GDAP1L1: variants seen among roughly 807,000 people sequenced by gnomAD.
GDAP1L1 encodes the protein ganglioside induced differentiation associated protein 1 like 1.
GDAP1L1 carries 21 observed loss-of-function variants against 37.1 expected under a neutral mutation model. The observed-to-expected ratio is 0.57, with a 90% confidence interval of 0.40 to 0.81. The LOEUF is 0.81. GDAP1L1 is among the 40% of genes least tolerant of loss of function. The pLI, the probability that GDAP1L1 is intolerant of heterozygous loss-of-function variation, is 0.00. For synonymous variants in GDAP1L1, 193 were observed against 209.1 expected (o/e 0.92, Z 0.67); for missense variants, 362 against 491.6 (o/e 0.74, Z 2.49).
intron 5 of GDAP1L1, 42 bp from the exon 6 acceptor site, chr20:44,278,915 A>G (rs748078248): frequency 7.7e-7 from 1 of 1,298,820 alleles, no homozygotes; most frequent in South Asian, 1.3e-5. Context: ...TGTGTGTGTT[A>G]GGGGAGGCTG....
chr20:44,262,291 A>G (rs2073687036), intron 3 of GDAP1L1, among the ~76,000 whole-genome samples: 1 of 152,042 alleles, frequency 6.6e-6, no homozygotes, highest in Non-Finnish European at 1.5e-5. Flanking sequence ...AGTTAAATGG[A>G]GGAGGTTAAA....
At chr20:44,272,180 C>A (rs1347267396) in intron 5 of GDAP1L1, among the ~76,000 whole-genome samples, 1 of 152,106 alleles carries the variant, frequency 6.6e-6, no homozygotes, top group Non-Finnish European at 1.5e-5. Context: ...GGGAGGAGCA[C>A]CTAGAAAGGC....
At chr20:44,268,934 A>G (rs1038521062) in intron 5 of GDAP1L1, among the ~76,000 whole-genome samples, 1 of 152,210 alleles carries the variant, frequency 6.6e-6, no homozygotes, top group Non-Finnish European at 1.5e-5. Context: ...TTTCTGCTGT[A>G]TAACAAACCA....
intron 1 of GDAP1L1, among the ~76,000 whole-genome samples, chr20:44,251,002 G>A (rs1052165912): frequency 7.9e-5 from 12 of 152,058 alleles, no homozygotes; most frequent in Non-Finnish European, 1.6e-4. Flanking sequence ...CCTACCTCTC[G>A]GTGCCCGTTG....
At position 44,263,338 on chromosome 20, in the gene GDAP1L1, CCCGG is replaced by C; in HGVS notation, c.645+14_645+17del. On this transcript the variant is annotated intron_variant, in intron 4 of 5. Coordinates refer to ENST00000342560, the MANE Select transcript of GDAP1L1 (RefSeq NM_024034.6). Reference sequence around the variant, plus strand: ...CAAAAGAAGCTCATGGTGAGTACCTCCCGGCCTGCTGAGTCCCCTTCCCTACGAG... The same window carrying C: ...CAAAAGAAGCTCATGGTGAGTACCTCCCTGCTGAGTCCCCTTCCCTACGAG... 1 of 1,585,888 alleles carries C rather than the reference CCCGG, an allele frequency of 6.3e-7. No individual in the cohort carries two copies. Among genetic ancestry groups the C allele is most frequent in the South Asian group, 1.1e-5 (1 of 90,500 alleles).
chr20:44,276,355 AAAGGAAGG>A (rs3037695), intron 5 of GDAP1L1, among the ~76,000 whole-genome samples: 46 of 130,334 alleles, frequency 3.5e-4, no homozygotes, highest in African/African-American at 8.9e-4. Flanking sequence ...AGAAAGAAGG[AAAGGAAGG>A]AAGGAAGGAA....
intron 5 of GDAP1L1, 49 bp downstream of exon 5, chr20:44,264,608 C>A (rs1234519263): frequency 6.3e-7 from 1 of 1,589,802 alleles, no homozygotes; most frequent in East Asian, 2.3e-5. Flanking sequence ...ACCCAGCCTA[C>A]TCTTCCCCTG....
At chr20:44,275,278 T>A (rs949729289) in intron 5 of GDAP1L1, among the ~76,000 whole-genome samples, 1 of 152,210 alleles carries the variant, frequency 6.6e-6, no homozygotes, top group Admixed American at 6.5e-5. Context: ...CCTGTGACTA[T>A]GAGCCTCTTG....
chr20:44,265,549 T>G (rs2073748821), intron 5 of GDAP1L1: 1 of 916,550 alleles, frequency 1.1e-6, no homozygotes, highest in African/African-American at 1.8e-5. Context: ...GAAATAGAGT[T>G]CCAGCTTTGC....
At chr20:44,266,906 C>A (rs2073769673) in intron 5 of GDAP1L1, among the ~76,000 whole-genome samples, 1 of 152,174 alleles carries the variant, frequency 6.6e-6, no homozygotes, top group Admixed American at 6.5e-5. Flanking sequence ...GAGTAACTGT[C>A]CTGGGCCACA....
chr20:44,256,024 A>G (rs1387344388), intron 1 of GDAP1L1, among the ~76,000 whole-genome samples: 1 of 152,188 alleles, frequency 6.6e-6, no homozygotes, highest in Non-Finnish European at 1.5e-5. Flanking sequence ...GCCCTTAGAA[A>G]CATAAAGAAA....
Position 44,279,536 on chromosome 20 carries a change from A to G in GDAP1L1, c.*236A>G. On this transcript the variant is annotated 3_prime_UTR_variant, in exon 6 of 6. Transcript: ENST00000342560. ...GAGAGAGGAAGCGAGAGAGAGAGAG[A>G]AAAAACAAAAAACAGAAAACACGAA... 1.5e-6 allele frequency: 1 copy of G among 677,514 alleles called. No individual in the cohort carries two copies. The highest frequency in any genetic ancestry group is 3.0e-5 in the East Asian group (1 of 33,776). The allele number at this position is 677,514 out of a possible 1,614,324, so 42.0% of individuals were successfully genotyped here. A position where few individuals can be genotyped will look rare whatever the true frequency, so the allele number is the denominator to read the frequency against.
intron 1 of GDAP1L1, among the ~76,000 whole-genome samples, chr20:44,255,187 C>A (rs765066155): frequency 6.6e-6 from 1 of 152,040 alleles, no homozygotes; most frequent in South Asian, 2.1e-4. Flanking sequence ...ATCCTCACAG[C>A]GGGCCTCCGA....
rs1350787119 is a variant in GDAP1L1, at chr20:44,257,355, C to T, written c.373+10C>T. 2.5e-6 allele frequency: 4 copies of T among 1,609,204 alleles called. No homozygotes were observed. Among genetic ancestry groups the T allele is most frequent in the Non-Finnish European group, 8.5e-7 (1 of 1,177,020 alleles). ...CGCACCTTCACAGGAGGTACGGCTG[C>T]CTCCCCACCCAGGGGCCCACTCCAT... On this transcript the variant is annotated intron_variant, in intron 2 of 5. Transcript: ENST00000342560.
In GDAP1L1 at chr20:44,264,466, G is replaced by T; in HGVS notation, c.667G>T (p.Asp223Tyr). The T allele has an allele frequency of 6.6e-7, 1 of 1,519,636 alleles. No homozygotes were observed. Among genetic ancestry groups the T allele is most frequent in the East Asian group, 2.3e-5 (1 of 42,948 alleles). 94.1% of individuals were successfully genotyped at this position (1,519,636 alleles called of 1,614,324 possible). The change falls in exon 5 of 6, where the codon GAT becomes TAT. Residue 223 changes from aspartate to tyrosine, a missense_variant. Asp to Tyr is a radical substitution (Grantham distance 160). Transcript: ENST00000342560. ...CCAGGCCAAGATCTTGGAGCATGAT[G>T]ATGTGAGCTACCTGAAGAAGATCCT... Reference protein sequence around the residue: ...KLMAKILEHDDVSYLKKILGE... With the variant: ...KLMAKILEHDYVSYLKKILGE...
intron 1 of GDAP1L1, among the ~76,000 whole-genome samples, chr20:44,247,949 A>C (rs2073365152): frequency 6.6e-6 from 1 of 152,016 alleles, no homozygotes; most frequent in Non-Finnish European, 1.5e-5. Flanking sequence ...CGCTCCCTGC[A>C]CGCTGCCGTC....
chr20:44,258,240 A>G (rs778536989), intron 2 of GDAP1L1, 194 bp from the exon 3 acceptor site: 2 of 723,562 alleles, frequency 2.8e-6, no homozygotes, highest in Non-Finnish European at 5.1e-6. Flanking sequence ...CCTCGGGGAC[A>G]GCTTGGCAGA....
chr20:44,279,439 G>A lies in GDAP1L1; in HGVS notation c.*139G>A, dbSNP rs1013448325. ...CGTTCTGAGTAATAATACCGTCAGTGTGAAAACATTCCGTAGTTTAGAAGT... is the reference window on the plus strand; with the variant it reads ...CGTTCTGAGTAATAATACCGTCAGTATGAAAACATTCCGTAGTTTAGAAGT... On this transcript the variant is annotated 3_prime_UTR_variant, in exon 6 of 6. Transcript: ENST00000342560. 17 of 715,334 alleles carry A rather than the reference G, an allele frequency of 2.4e-5. 1 individual carries two copies. The Admixed American group carries it at 3.5e-4, about 15-fold the overall frequency. The allele number at this position is 715,334 out of a possible 1,614,324, so 44.3% of individuals were successfully genotyped here.
chr20:44,276,076 C>T (rs569606136), intron 5 of GDAP1L1, among the ~76,000 whole-genome samples: 1 of 151,880 alleles, frequency 6.6e-6, no homozygotes, highest in East Asian at 1.9e-4. Context: ...AATCCCAGCA[C>T]TTTGGGATGC....
Sources: gnomAD v4.1 joint callset for allele counts (sites outside exome capture counted in the v4.1 genomes callset) on GRCh38, gnomAD v4.1.1 for gene constraint, MANE v1.5 for transcripts, NCBI Gene and HGNC (gene_info 2026-07-23, HGNC 2026-07-21) for gene names.